FLNB: variants seen among roughly 807,000 people sequenced by gnomAD.
FLNB encodes the protein filamin B.
FLNB carries 111 observed loss-of-function variants against 250.6 expected under a neutral mutation model. The ratio of observed to expected loss-of-function variants is 0.44; its 90% confidence interval spans 0.38 to 0.52. The LOEUF (loss-of-function observed/expected upper bound fraction) is 0.52, where lower values mean the gene tolerates loss of function less well. Ranked by LOEUF, FLNB falls within the 20% of genes least tolerant of loss-of-function variation. The probability of loss-of-function intolerance (pLI) is 0.00; values close to 1 mark genes in which losing one functional copy is unlikely to be tolerated. For synonymous variants in FLNB, 1,302 were observed against 1,372.1 expected, an observed-to-expected ratio of 0.95 and a Z score of 1.13; for missense variants, 2,869 against 3,447.8, an observed-to-expected ratio of 0.83 and a Z score of 4.20.
intron 28 of FLNB, among the ~76,000 whole-genome samples, 174 bp downstream of exon 28, chr3:58,136,342 C>G (rs2097315918): frequency 6.6e-6 from 1 of 152,200 alleles, no homozygotes; most frequent in Non-Finnish European, 1.5e-5. Context: ...ACATTTAGAT[C>G]CAAGAAGCTC....
intron 24 of FLNB, among the ~76,000 whole-genome samples, chr3:58,129,411 G>A (rs3772992): frequency 6.6e-6 from 1 of 151,988 alleles, no homozygotes; most frequent in African/African-American, 2.4e-5. Context: ...GCTGAGCTCA[G>A]ACAACTTCTA....
intron 1 of FLNB, among the ~76,000 whole-genome samples, chr3:58,073,750 A>C (rs1047716709): frequency 6.6e-6 from 1 of 152,158 alleles, no homozygotes; most frequent in African/African-American, 2.4e-5. Flanking sequence ...TGAATGCCTA[A>C]CTAAGGAAAA....
chr3:58,041,379 G>A (rs568326756), intron 1 of FLNB, among the ~76,000 whole-genome samples: 2 of 152,280 alleles, frequency 1.3e-5, no homozygotes, highest in East Asian at 3.9e-4. Context: ...CCCGCTGAGC[G>A]GCCCTGGTGT....
At chr3:58,067,156 G>A (rs1427663537) in intron 1 of FLNB, among the ~76,000 whole-genome samples, 1 of 151,550 alleles carries the variant, frequency 6.6e-6, no homozygotes, top group Non-Finnish European at 1.5e-5. Flanking sequence ...TCCATGCCCT[G>A]TTCACGGAAG....
intron 1 of FLNB, among the ~76,000 whole-genome samples, chr3:58,024,718 TTTTTTTTTTTA>T (rs374140760): frequency 0.15 from 19,114 of 130,920 alleles, 3,083 homozygotes; most frequent in East Asian, 0.47. Flanking sequence ...TTTTTTTTTT[TTTTTTTTTTTA>T]ACCTTGAGAC....
intron 39 of FLNB, 121 bp downstream of exon 39, chr3:58,153,762 G>A: frequency 3.4e-6 from 4 of 1,159,804 alleles, no homozygotes; most frequent in Non-Finnish European, 5.0e-6. Context: ...GGCATTAAGG[G>A]CATTATTTAA....
chr3:58,124,037 TA>T (rs1157392649), intron 21 of FLNB, among the ~76,000 whole-genome samples: 2 of 152,186 alleles, frequency 1.3e-5, no homozygotes, highest in African/African-American at 4.8e-5. Context: ...GAAAAAAGTT[TA>T]AAATGTAGTG....
chr3:58,080,658 C>G (rs749979820), intron 3 of FLNB, among the ~76,000 whole-genome samples: 6 of 151,748 alleles, frequency 4.0e-5, no homozygotes, highest in Non-Finnish European at 7.4e-5. Flanking sequence ...CCATGCCTGG[C>G]TAATTTTGTA....
At chr3:58,100,530 T>C (rs1327302917) in intron 8 of FLNB, among the ~76,000 whole-genome samples, 1 of 150,406 alleles carries the variant, frequency 6.6e-6, no homozygotes, top group Non-Finnish European at 1.5e-5. Flanking sequence ...GCTAAGACTG[T>C]AGATGTGCGC....
Position 58,142,595 on chromosome 3 carries a change from C to T in FLNB, c.5182-55C>T. The T allele has an allele frequency of 6.8e-7, 1 of 1,469,642 alleles. No homozygotes were observed. The highest frequency in any genetic ancestry group is 1.4e-5 in the African/African-American group (1 of 72,186). 91.0% of individuals were successfully genotyped at this position (1,469,642 alleles called of 1,614,324 possible). A position where few individuals can be genotyped will look rare whatever the true frequency, so the allele number is the denominator to read the frequency against. On this transcript the variant is annotated intron_variant, in intron 30 of 45. Transcript: ENST00000295956. This position sits in a 1 kb window ranked among gnomAD's most constrained non-coding sequence, Gnocchi z 4.3. ...CCAGCAGCTCTAACCCCTGTAGCTT[C>T]ACCAGCTCCCGCTGTTGTCTGCTTT...
rs2097348475 is a variant in FLNB at position 58,153,382 on chromosome 3, C to T, written c.6375C>T (p.Asn2125=). ...CDLNLKIPEI[N]SSDMSAHVTS... ...CCTCCCTCCCTCTTTCAGAAATCAA[C>T]AGCAGTGATATGTCGGCCCACGTCA... The change falls in exon 39 of 46, where the codon AAC becomes AAT. Residue 2125 remains asparagine (N), a synonymous_variant. Coordinates refer to ENST00000295956, the MANE Select transcript of FLNB (RefSeq NM_001457.4). 4.3e-6 allele frequency: 7 copies of T among 1,614,246 alleles called. No homozygotes were observed. Among genetic ancestry groups the T allele is most frequent in the South Asian group, 1.1e-5 (1 of 91,086 alleles).
At chr3:58,107,804 A>G (rs2097262063) in intron 12 of FLNB, among the ~76,000 whole-genome samples, 1 of 152,214 alleles carries the variant, frequency 6.6e-6, no homozygotes, top group South Asian at 2.1e-4. Context: ...CCATAGGCTG[A>G]TGTCAGTCTG....
Position 58,132,869 on chromosome 3 carries a change from C to T in FLNB, c.4452C>T (p.Thr1484=). Residue 1484 remains threonine, a synonymous_variant, in exon 26 of 46, where the codon ACC becomes ACT. Transcript: ENST00000295956. ...ATGGCACACACACAGTAACCTACAC[C>T]CCATCTCAGGAGGGACCTTACATGG... ...NGDGTHTVTY[T]PSQEGPYMVS... 6.2e-7 allele frequency: 1 copy of T among 1,613,924 alleles called. No homozygotes were observed. The highest frequency in any genetic ancestry group is 8.5e-7 in the Non-Finnish European group (1 of 1,179,858).
intron 44 of FLNB, chr3:58,168,959 G>T: frequency 5.5e-6 from 2 of 363,732 alleles, no homozygotes; most frequent in East Asian, 6.2e-5. Flanking sequence ...AAAATCCCCT[G>T]ATTTCTAATT....
At chr3:58,056,745 C>G (rs1421074967) in intron 1 of FLNB, among the ~76,000 whole-genome samples, 1 of 151,948 alleles carries the variant, frequency 6.6e-6, no homozygotes, top group Non-Finnish European at 1.5e-5. Context: ...CGTGCTCCAC[C>G]ATACCCAGCT....
chr3:58,129,715 A>C (rs1480729270), intron 24 of FLNB, among the ~76,000 whole-genome samples: 1 of 152,222 alleles, frequency 6.6e-6, no homozygotes, highest in Non-Finnish European at 1.5e-5. Flanking sequence ...TGCAAAGCAG[A>C]GATCCCTCAG....
At chr3:58,030,810 TTGCGG>T (rs1435951659) in intron 1 of FLNB, among the ~76,000 whole-genome samples, 3 of 151,802 alleles carry the variant, frequency 2.0e-5, no homozygotes, top group Non-Finnish European at 4.4e-5. Flanking sequence ...GGCACAGAGG[TTGCGG>T]TGAGGTTGTG....
In FLNB at chr3:58,156,502, AT is replaced by A. The variant is rs377184188; in HGVS notation, c.6888+428del. Among the ~76,000 whole-genome samples the A allele has an allele frequency of 3.0e-4, 46 of 152,312 alleles. No individual in the cohort carries two copies. In the South Asian group the frequency reaches 4.1e-3, roughly 14 times the overall value. On this transcript the variant is annotated intron_variant, in intron 41 of 45. Transcript: ENST00000295956. Reference sequence around the variant, plus strand: ...AGTTGCAACTTACTGTGATTCATTAATAAGTGTGCAGGGAACTATATTAAGA... The same window carrying A: ...AGTTGCAACTTACTGTGATTCATTAAAAGTGTGCAGGGAACTATATTAAGA...
intron 1 of FLNB, among the ~76,000 whole-genome samples, chr3:58,028,172 T>G (rs2097125991): frequency 1.3e-5 from 2 of 152,180 alleles, no homozygotes; most frequent in South Asian, 4.1e-4. Flanking sequence ...ATGCAGCCAT[T>G]ACCATGTGCC....
Sources: allele counts gnomAD v4.1 joint callset (sites outside exome capture counted in the v4.1 genomes callset), GRCh38; gene constraint gnomAD v4.1.1; non-coding constraint Gnocchi (gnomAD v3.1); transcripts MANE v1.5; gene names NCBI Gene and HGNC (gene_info 2026-07-23, HGNC 2026-07-21).